TSNARE1: variants seen among roughly 807,000 people sequenced by gnomAD.
TSNARE1 encodes the protein t-SNARE domain-containing protein 1.
Under a neutral mutation model 62.0 loss-of-function variants are expected in TSNARE1, and 49 were observed. That is an observed-to-expected ratio of 0.79 (90% confidence interval 0.63 to 1.00). The LOEUF (loss-of-function observed/expected upper bound fraction) is 1.00, where lower values mean the gene tolerates loss of function less well. Ranked by LOEUF, TSNARE1 falls within the 50% of genes least tolerant of loss-of-function variation. The pLI is 0.00. For synonymous variants in TSNARE1, 328 were observed against 294.4 expected (o/e 1.11, Z -1.17); for missense variants, 755 against 700.1 (o/e 1.08, Z -0.88).
intron 1 of TSNARE1, among the ~76,000 whole-genome samples, chr8:142,383,478 T>C (rs1352422312): frequency 6.6e-6 from 1 of 152,138 alleles, no homozygotes; most frequent in Non-Finnish European, 1.5e-5. Flanking sequence ...CAAGCACAGC[T>C]GGCCAGGCGC....
rs1186348258 is a variant in TSNARE1, at chr8:142,338,483, GGACCACTGGGCAAGCTGACAGGCTGCCTC to G, written c.745+5454_745+5482del. Among the ~76,000 whole-genome samples the G allele has an allele frequency of 5.0e-3, 736 of 147,144 alleles. 11 individuals carry two copies. Among genetic ancestry groups the G allele is most frequent in the African/African-American group, 0.017 (698 of 40,014 alleles). On this transcript the variant is annotated intron_variant, in intron 4 of 13. Coordinates refer to ENST00000524325, the MANE Select transcript of TSNARE1 (RefSeq NM_145003.5). ...CCACCACAAGCCTGCCTGGCTGCCT[GGACCACTGGGCAAGCTGACAGGCTGCCTC>G]GACCACTGGGCAAGCTGACAGGCTG... is the stretch of plus-strand genomic sequence containing the variant.
chr8:142,226,181 C>T (rs1816759644), intron 13 of TSNARE1, among the ~76,000 whole-genome samples: 1 of 152,196 alleles, frequency 6.6e-6, no homozygotes, highest in Non-Finnish European at 1.5e-5. Flanking sequence ...TAAGTCAGCT[C>T]TGTACAGGGG....
intron 9 of TSNARE1, among the ~76,000 whole-genome samples, chr8:142,308,254 T>C (rs1464757794): frequency 6.6e-6 from 1 of 152,214 alleles, no homozygotes; most frequent in Non-Finnish European, 1.5e-5. Context: ...TTGGCACTTG[T>C]GCGTCTGTGT....
At chr8:142,340,223 A>G (rs1390766257) in intron 4 of TSNARE1, among the ~76,000 whole-genome samples, 1 of 152,190 alleles carries the variant, frequency 6.6e-6, no homozygotes, top group Non-Finnish European at 1.5e-5. Flanking sequence ...AAGAGAAGTG[A>G]GGCTTGCCGG....
At position 142,319,879 on chromosome 8, in the gene TSNARE1, G is replaced by C. The variant is rs7009759; in HGVS notation, c.894-1245C>G. Among the ~76,000 whole-genome samples, 53,084 of 152,226 alleles carry C rather than the reference G, an allele frequency of 0.35. 12,381 individuals are homozygous for C. The highest frequency in any genetic ancestry group is 0.65 in the African/African-American group (26,969 of 41,530). On this transcript the variant is annotated intron_variant, in intron 6 of 13. Coordinates refer to ENST00000524325, the MANE Select transcript of TSNARE1 (RefSeq NM_145003.5). The surrounding 1 kb of genome is among the most constrained non-coding windows in gnomAD (Gnocchi z 4.9). The stretch of plus-strand genomic sequence containing the variant: ...AAGGTTACTACAGACTAGGCGGGAA[G>C]CGCGGGGACAGGAGCTTTCTTCCCC...
At chr8:142,370,405 C>T (rs185479248) in intron 1 of TSNARE1, among the ~76,000 whole-genome samples, 15 of 152,156 alleles carry the variant, frequency 9.9e-5, no homozygotes, top group African/African-American at 3.4e-4. Context: ...TCCATCTCTA[C>T]AAAAAATAAA....
chr8:142,216,537 G>T (rs969056399), intron 13 of TSNARE1, among the ~76,000 whole-genome samples: 1 of 152,124 alleles, frequency 6.6e-6, no homozygotes, highest in South Asian at 2.1e-4. Context: ...GGAGGGTGTC[G>T]GCCTCCCGGC....
At chr8:142,284,582 T>A (rs2130904519) in intron 10 of TSNARE1, 97 bp from the exon 11 acceptor site, 4 of 961,766 alleles carry the variant, frequency 4.2e-6, no homozygotes, top group East Asian at 2.4e-5. Context: ...CGGGCCCAGG[T>A]GGCACCTGCA....
chr8:142,343,809 A>G (rs1294324820), intron 4 of TSNARE1, among the ~76,000 whole-genome samples, 157 bp downstream of exon 4: 4 of 40,948 alleles, frequency 9.8e-5, no homozygotes, highest in African/African-American at 1.5e-4. Flanking sequence ...GAGGAGGAGG[A>G]GGAGGGGAGA....
At chr8:142,325,030 C>T (rs548706203) in intron 6 of TSNARE1, among the ~76,000 whole-genome samples, 15 of 152,346 alleles carry the variant, frequency 9.8e-5, no homozygotes, top group Non-Finnish European at 2.1e-4. Context: ...ATGTAGACCA[C>T]GGCCCAGTTT....
chr8:142,269,006 A>G (rs1819291096), intron 12 of TSNARE1, among the ~76,000 whole-genome samples: 1 of 152,236 alleles, frequency 6.6e-6, no homozygotes, highest in Admixed American at 6.5e-5. Flanking sequence ...CTTTCATCAA[A>G]TATGTACTGA....
chr8:142,272,552 C>T (rs1182850203), intron 12 of TSNARE1: 1 of 471,912 alleles, frequency 2.1e-6, no homozygotes, highest in Non-Finnish European at 2.5e-6. Flanking sequence ...CCTGTCTACA[C>T]CTTCCTTCCA....
chr8:142,343,700 G>A (rs1473998659), intron 4 of TSNARE1, among the ~76,000 whole-genome samples: 1 of 150,076 alleles, frequency 6.7e-6, no homozygotes, highest in Non-Finnish European at 1.5e-5. Flanking sequence ...GAGTGAACGG[G>A]GCAGAGGATG....
chr8:142,281,329 G>A (rs1389896306), intron 11 of TSNARE1, among the ~76,000 whole-genome samples: 1 of 152,112 alleles, frequency 6.6e-6, no homozygotes, highest in African/African-American at 2.4e-5. Context: ...GCTCCTGGCA[G>A]CAGCAGGTAT....
chr8:142,356,246 GC>G (rs1193415570), intron 1 of TSNARE1, among the ~76,000 whole-genome samples: 1 of 152,180 alleles, frequency 6.6e-6, no homozygotes, highest in Non-Finnish European at 1.5e-5. Flanking sequence ...AAAACACCCG[GC>G]CCCACGCAGA....
At chr8:142,353,486 G>A (rs1012014567) in intron 2 of TSNARE1, among the ~76,000 whole-genome samples, 6 of 152,164 alleles carry the variant, frequency 3.9e-5, no homozygotes, top group Non-Finnish European at 8.8e-5. Flanking sequence ...AAGTGGTGAT[G>A]GCAAGATGAG....
intron 10 of TSNARE1, among the ~76,000 whole-genome samples, chr8:142,294,175 G>A (rs1419552907): frequency 6.6e-6 from 1 of 152,014 alleles, no homozygotes; most frequent in Non-Finnish European, 1.5e-5. Context: ...AAGGTGGAGG[G>A]CGGTGTGAGG....
intron 10 of TSNARE1, 21 bp downstream of exon 10, chr8:142,300,465 G>A (rs758199246): frequency 2.6e-5 from 42 of 1,590,694 alleles, no homozygotes; most frequent in Non-Finnish European, 3.2e-5. Context: ...GAGTGAGCAC[G>A]CTTGCCCACG....
intron 12 of TSNARE1, among the ~76,000 whole-genome samples, chr8:142,258,097 TGC>T (rs1818676781): frequency 6.6e-6 from 1 of 152,104 alleles, no homozygotes; most frequent in South Asian, 2.1e-4. Flanking sequence ...CGTACACACC[TGC>T]ATGCAACATG....
Sources: gnomAD v4.1 joint callset for allele counts (sites outside exome capture counted in the v4.1 genomes callset) on GRCh38, gnomAD v4.1.1 for gene constraint, Gnocchi (gnomAD v3.1) non-coding constraint, MANE v1.5 for transcripts, NCBI Gene and HGNC (gene_info 2026-07-23, HGNC 2026-07-21) for gene names.